ROR1: variants seen among roughly 807,000 people sequenced by gnomAD.
The protein encoded by ROR1 is inactive tyrosine-protein kinase transmembrane receptor ROR1.
Under a neutral mutation model 78.8 loss-of-function variants are expected in ROR1, and 19 were observed. That is an observed-to-expected ratio of 0.24 (90% CI 0.17 to 0.35). The LOEUF (loss-of-function observed/expected upper bound fraction) is 0.35. Among genes scored for constraint, ROR1 ranks in the 10% least tolerant of loss-of-function variants. The probability of loss-of-function intolerance (pLI) is 1.00; values close to 1 mark genes in which losing one functional copy is unlikely to be tolerated. For missense variants in ROR1, 917 were observed against 1,177.8 expected (o/e 0.78, Z 3.24); for synonymous variants, 386 against 433.6 (o/e 0.89, Z 1.36).
chr1:64,129,805 A>C lies in ROR1; in HGVS notation c.483-7564A>C, dbSNP rs547370022. ...TATATTACACACATAATTTTCCCTC[A>C]AATTACGTTTGTGAGATACAAGCCT... On this transcript the variant is annotated intron_variant, in intron 4 of 8. Transcript: ENST00000371079. 2.6e-5 allele frequency among the ~76,000 whole-genome samples: 4 copies of C among 152,326 alleles called. No individual in the cohort carries two copies. In the South Asian group the frequency reaches 8.3e-4, roughly 32 times the overall value.
chr1:63,904,656 A>G (rs1645514512), intron 1 of ROR1, among the ~76,000 whole-genome samples: 1 of 152,190 alleles, frequency 6.6e-6, no homozygotes, highest in African/African-American at 2.4e-5. Context: ...AAACAGATTA[A>G]GTTAAAATGA....
chr1:63,964,137 A>T (rs934295582), intron 1 of ROR1, among the ~76,000 whole-genome samples: 2 of 152,214 alleles, frequency 1.3e-5, no homozygotes, highest in Admixed American at 1.3e-4. Context: ...CAAGTGAGGA[A>T]ACTGAGATTC....
rs79096690 is a variant in ROR1, at chr1:64,159,366, A to G, written c.1386+174A>G. Among the ~76,000 whole-genome samples, 78 of 152,220 alleles carry G rather than the reference A, an allele frequency of 5.1e-4. No individual in the cohort carries two copies. In the East Asian group the frequency reaches 0.015, roughly 29 times the overall value. On this transcript the variant is annotated intron_variant, in intron 8 of 8. Coordinates refer to ENST00000371079, the MANE Select transcript of ROR1 (RefSeq NM_005012.4). ...TACCTACCTCTATCTAAACCAAGAC[A>G]CTTTCATCAGTATGTCTACTTCAGT...
intron 8 of ROR1, among the ~76,000 whole-genome samples, chr1:64,168,982 C>G (rs992337117): frequency 2.6e-5 from 4 of 152,246 alleles, no homozygotes; most frequent in African/African-American, 9.6e-5. Context: ...CACATAGGAA[C>G]TCTTGAGGTG....
At chr1:63,932,276 A>G (rs1645758841) in intron 1 of ROR1, among the ~76,000 whole-genome samples, 1 of 152,076 alleles carries the variant, frequency 6.6e-6, no homozygotes, top group African/African-American at 2.4e-5. Context: ...TGGCTGGCCT[A>G]TGGGGGCCCC....
At chr1:63,983,191 G>A (rs55873889) in intron 1 of ROR1, among the ~76,000 whole-genome samples, 4,295 of 152,230 alleles carry the variant, frequency 0.028, 221 homozygotes, top group African/African-American at 0.1. Flanking sequence ...CTCTCAGGGA[G>A]AGATTTTCTC....
intron 8 of ROR1, among the ~76,000 whole-genome samples, chr1:64,166,018 C>T (rs1399512024): frequency 6.6e-6 from 1 of 152,102 alleles, no homozygotes; most frequent in African/African-American, 2.4e-5. Flanking sequence ...TTAAGTCTTT[C>T]ATCCATCTTG....
intron 4 of ROR1, among the ~76,000 whole-genome samples, chr1:64,108,087 TG>T (rs1647905285): frequency 6.6e-6 from 1 of 151,530 alleles, no homozygotes. Flanking sequence ...TGTGTGTGTG[TG>T]TGTGTGTGTG....
intron 1 of ROR1, among the ~76,000 whole-genome samples, chr1:63,985,267 T>C (rs1646241571): frequency 6.6e-6 from 1 of 152,188 alleles, no homozygotes; most frequent in African/African-American, 2.4e-5. Context: ...TGAAAACCTC[T>C]TGAGCTTTTC....
chr1:64,029,658 CAGAG>C (rs1480972967), intron 2 of ROR1, among the ~76,000 whole-genome samples: 2 of 152,048 alleles, frequency 1.3e-5, no homozygotes, highest in Non-Finnish European at 2.9e-5. Flanking sequence ...GACAGACTGA[CAGAG>C]AGAGAGGTCC....
At chr1:63,859,439 T>C (rs1219863322) in intron 1 of ROR1, among the ~76,000 whole-genome samples, 1 of 151,862 alleles carries the variant, frequency 6.6e-6, no homozygotes, top group Non-Finnish European at 1.5e-5. Flanking sequence ...AATATGTTAG[T>C]ACATGTTGAT....
intron 1 of ROR1, chr1:63,788,976 C>G: frequency 1.5e-6 from 1 of 664,252 alleles, no homozygotes; most frequent in Non-Finnish European, 2.8e-6. Flanking sequence ...CTTAGATATG[C>G]GGTATCTTCT....
intron 1 of ROR1, among the ~76,000 whole-genome samples, chr1:63,969,185 A>G (rs1363780451): frequency 6.6e-6 from 1 of 152,182 alleles, no homozygotes; most frequent in Admixed American, 6.5e-5. Flanking sequence ...AGGTGCTGGG[A>G]ATAAAAGAAT....
intron 4 of ROR1, among the ~76,000 whole-genome samples, chr1:64,132,537 A>G (rs1177365237): frequency 1.3e-5 from 2 of 152,190 alleles, no homozygotes; most frequent in Admixed American, 1.3e-4. Flanking sequence ...AGGCAGGTGG[A>G]TCATCTGAGG....
chr1:64,082,455 G>A (rs1197156620), intron 4 of ROR1, among the ~76,000 whole-genome samples: 12 of 152,212 alleles, frequency 7.9e-5, no homozygotes, highest in South Asian at 2.1e-4. Context: ...TGAAAGAGAT[G>A]CATATATGGT....
chr1:63,886,777 T>C (rs184925343), intron 1 of ROR1, among the ~76,000 whole-genome samples: 2 of 150,484 alleles, frequency 1.3e-5, no homozygotes, highest in Admixed American at 1.3e-4. Flanking sequence ...CCCTCCATAC[T>C]CGACCACCCA....
At chr1:63,801,837 G>A (rs1557503530) in intron 1 of ROR1, among the ~76,000 whole-genome samples, 1 of 152,174 alleles carries the variant, frequency 6.6e-6, no homozygotes, top group Non-Finnish European at 1.5e-5. Context: ...TTTCCTTTGA[G>A]CTGGGTCTGA....
chr1:63,929,672 C>T (rs1557567128), intron 1 of ROR1, among the ~76,000 whole-genome samples: 1 of 152,200 alleles, frequency 6.6e-6, no homozygotes, highest in African/African-American at 2.4e-5. Context: ...TAATAGCTAA[C>T]ACTGAGTACC....
chr1:63,786,411 T>C (rs969491937), intron 1 of ROR1, among the ~76,000 whole-genome samples: 2 of 151,428 alleles, frequency 1.3e-5, no homozygotes, highest in African/African-American at 4.8e-5. Context: ...TAGCTGGGAC[T>C]ACAGGCACCC....
Sources: gnomAD v4.1 joint callset for allele counts (sites outside exome capture counted in the v4.1 genomes callset) on GRCh38, gnomAD v4.1.1 for gene constraint, MANE v1.5 for transcripts, NCBI Gene and HGNC (gene_info 2026-07-23, HGNC 2026-07-21) for gene names.